The following NHS variants were observed in gnomAD, a reference collection of about 807,000 sequenced individuals.
NHS encodes the protein actin remodeling regulator NHS.
Under a neutral mutation model 72.5 loss-of-function variants are expected in NHS, and 5 were observed. That is an observed-to-expected ratio of 0.07 (90% CI 0.04 to 0.14). The LOEUF (loss-of-function observed/expected upper bound fraction) is 0.14, where lower values mean the gene tolerates loss of function less well. Among genes scored for constraint, NHS ranks in the 10% least tolerant of loss-of-function variants. The pLI is 1.00. For missense variants in NHS, 1,072 were observed against 1,355.7 expected, an observed-to-expected ratio of 0.79 and a Z score of 3.29; for synonymous variants, 464 against 547.7, an observed-to-expected ratio of 0.85 and a Z score of 2.13.
intron 8 of NHS, 62 bp downstream of exon 8, chrX:17,728,837 G>A (rs989956607): frequency 8.4e-6 from 10 of 1,185,265 alleles, no homozygotes; most frequent in South Asian, 1.8e-5. Context: ...GCCCCTTCAG[G>A]TACTTCTCAC....
At chrX:17,581,215 A>G (rs1324082301) in intron 1 of NHS, among the ~76,000 whole-genome samples, 1 of 112,034 alleles carries the variant, frequency 8.9e-6, no homozygotes, top group Non-Finnish European at 1.9e-5. Context: ...GACAGGGCTC[A>G]GGTTAATTCT....
In NHS at chrX:17,728,259, G is replaced by A. The variant is rs1192248368; in HGVS notation, c.4153G>A (p.Ala1385Thr). ...GGAAAATATTGCTTCAGGTATTTCA[G>A]CCAAAAGTGCCTCTGATAACAGCAA... ...KQENIASGIS[A>T]KSASDNSKAE... Residue 1385 changes from alanine (A) to threonine (T), a missense_variant, in exon 7 of 9, where the codon GCC (alanine) becomes ACC (threonine). Physicochemically the swap from Ala to Thr is moderately conservative, Grantham distance 58. Transcript: ENST00000676302. The A allele has an allele frequency of 2.5e-6, 3 of 1,211,823 alleles. No individual in the cohort carries two copies. In the Admixed American group the frequency reaches 6.5e-5, roughly 26 times the overall value.
chrX:17,670,896 G>A (rs988199125), intron 1 of NHS, among the ~76,000 whole-genome samples: 2 of 112,332 alleles, frequency 1.8e-5, no homozygotes, highest in Admixed American at 9.4e-5. Context: ...GGAGTAGCCC[G>A]TTCCTTTTCT....
intron 1 of NHS, among the ~76,000 whole-genome samples, chrX:17,685,349 G>T (rs780078701): frequency 2.7e-5 from 3 of 112,019 alleles, no homozygotes; most frequent in Non-Finnish European, 5.6e-5. Flanking sequence ...AATGGAGAAA[G>T]AAAAAGATTT....
At chrX:17,560,548 A>G (rs1427501718) in intron 1 of NHS, among the ~76,000 whole-genome samples, 1 of 112,205 alleles carries the variant, frequency 8.9e-6, no homozygotes, top group Non-Finnish European at 1.9e-5. Context: ...ACCTTGAATC[A>G]TCCTGCTATT....
At chrX:17,437,169 T>C (rs1236901853) in intron 1 of NHS, among the ~76,000 whole-genome samples, 2 of 111,261 alleles carry the variant, frequency 1.8e-5, no homozygotes, top group African/African-American at 6.5e-5. Flanking sequence ...GCACTTTGTG[T>C]GTGTCTCCAG....
At chrX:17,417,035 T>C (rs1435962115) in intron 1 of NHS, among the ~76,000 whole-genome samples, 1 of 111,055 alleles carries the variant, frequency 9.0e-6, no homozygotes, top group Non-Finnish European at 1.9e-5. Flanking sequence ...AATATTGTTA[T>C]GTGATGACAC....
chrX:17,638,926 G>A (rs962439214), intron 1 of NHS, among the ~76,000 whole-genome samples: 1 of 111,865 alleles, frequency 8.9e-6, no homozygotes, highest in Non-Finnish European at 1.9e-5. Flanking sequence ...AGAGACACTG[G>A]CAGATGGGAC....
intron 1 of NHS, among the ~76,000 whole-genome samples, chrX:17,492,883 A>G (rs1441101258): frequency 8.9e-6 from 1 of 111,908 alleles, no homozygotes; most frequent in African/African-American, 3.3e-5. Flanking sequence ...GTTAGAGATG[A>G]CAAAAAATAA....
intron 1 of NHS, among the ~76,000 whole-genome samples, chrX:17,381,199 G>A (rs2064376300): frequency 9.0e-6 from 1 of 111,625 alleles, no homozygotes; most frequent in Admixed American, 9.5e-5. Flanking sequence ...ATACTTCATG[G>A]GCTTTGACTC....
chrX:17,650,893 T>G (rs770082411), intron 1 of NHS, among the ~76,000 whole-genome samples: 4 of 112,215 alleles, frequency 3.6e-5, no homozygotes, highest in African/African-American at 6.5e-5. Flanking sequence ...AATTGAATAG[T>G]CCATGCATGT....
chrX:17,645,899 T>A, intron 1 of NHS, among the ~76,000 whole-genome samples: 1 of 112,260 alleles, frequency 8.9e-6, no homozygotes, highest in East Asian at 2.8e-4. Flanking sequence ...CTGCAGAAAC[T>A]TCCTGTTGCT....
intron 1 of NHS, among the ~76,000 whole-genome samples, chrX:17,409,718 A>G (rs1274827225): frequency 8.9e-6 from 1 of 111,791 alleles, no homozygotes; most frequent in Non-Finnish European, 1.9e-5. Context: ...TTTCACCTAG[A>G]AGTGCCACAT....
chrX:17,560,476 C>T (rs1296146608), intron 1 of NHS, among the ~76,000 whole-genome samples: 1 of 112,680 alleles, frequency 8.9e-6, no homozygotes, highest in Admixed American at 9.4e-5. Context: ...TTTGGGACCT[C>T]ATAGTTTCTC....
chrX:17,729,897 C>T (rs1209098306), intron 8 of NHS, among the ~76,000 whole-genome samples: 1 of 112,271 alleles, frequency 8.9e-6, no homozygotes, highest in Non-Finnish European at 1.9e-5. Flanking sequence ...TCGTAAGCAG[C>T]TTACAATCTT....
At chrX:17,599,059 G>A (rs2065637699) in intron 1 of NHS, among the ~76,000 whole-genome samples, 1 of 112,242 alleles carries the variant, frequency 8.9e-6, no homozygotes, top group African/African-American at 3.2e-5. Flanking sequence ...TGGTTGTTGA[G>A]TATAGTTCAA....
At chrX:17,630,562 C>CA (rs2065819297) in intron 1 of NHS, among the ~76,000 whole-genome samples, 1 of 110,578 alleles carries the variant, frequency 9.0e-6, no homozygotes, top group South Asian at 4.0e-4. Context: ...TCAACCATCT[C>CA]ACCTCCAGGT....
At chrX:17,702,865 A>AAAGG in intron 3 of NHS, among the ~76,000 whole-genome samples, 1 of 111,644 alleles carries the variant, frequency 9.0e-6, no homozygotes, top group South Asian at 3.8e-4. Flanking sequence ...TTTTACTTTA[A>AAAGG]AAGGAATCCC....
intron 1 of NHS, among the ~76,000 whole-genome samples, chrX:17,472,313 GAGAGAGAGAGAGAGAC>G (rs2064895642): frequency 9.1e-6 from 1 of 109,712 alleles, no homozygotes. Flanking sequence ...GATACTGAAA[GAGAGAGAGAGAGAGAC>G]AGAGAGAGAC....
Sources: gnomAD v4.1 joint callset for allele counts (sites outside exome capture counted in the v4.1 genomes callset) on GRCh38, gnomAD v4.1.1 for gene constraint, MANE v1.5 for transcripts, NCBI Gene and HGNC (gene_info 2026-07-23, HGNC 2026-07-21) for gene names.